The following FAM184A variants were observed in gnomAD, a reference collection of about 807,000 sequenced individuals.
The protein encoded by FAM184A is family with sequence similarity 184 member A.
A neutral mutation model predicts 143.8 loss-of-function variants in FAM184A; 99 were observed. That is an observed-to-expected ratio of 0.69 (90% CI 0.58 to 0.81). FAM184A has a LOEUF of 0.81. Among genes scored for constraint, FAM184A ranks in the 40% least tolerant of loss-of-function variants. The pLI is 0.00. For missense variants in FAM184A, 1,217 were observed against 1,310.5 expected (o/e 0.93, Z 1.10); for synonymous variants, 427 against 446.4 (o/e 0.96, Z 0.55).
chr6:118,972,924 T>C (rs1307470232), intron 14 of FAM184A, among the ~76,000 whole-genome samples: 1 of 152,186 alleles, frequency 6.6e-6, no homozygotes, highest in Non-Finnish European at 1.5e-5. Flanking sequence ...TGAGCTGTTA[T>C]ACAAGGCAGA....
chr6:119,007,200 A>C (rs185883379), intron 6 of FAM184A, among the ~76,000 whole-genome samples: 13 of 152,350 alleles, frequency 8.5e-5, no homozygotes, highest in Admixed American at 7.8e-4. Context: ...CCTACCATAA[A>C]GTTATGAATA....
intron 9 of FAM184A, among the ~76,000 whole-genome samples, chr6:118,995,035 G>A (rs1784504478): frequency 6.6e-6 from 1 of 152,164 alleles, no homozygotes; most frequent in African/African-American, 2.4e-5. Context: ...CAAAACCTGT[G>A]TCATTTAAAA....
In FAM184A at chr6:119,006,493, G is replaced by T. The variant is rs950976469; in HGVS notation, c.1769C>A (p.Thr590Asn). The T allele has an allele frequency of 9.3e-6, 15 of 1,613,938 alleles. No homozygotes were observed. In the African/African-American group the frequency reaches 1.9e-4, roughly 20 times the overall value. Residue 590 changes from threonine (T) to asparagine (N), a missense_variant, in exon 7 of 18, where the codon ACT becomes AAT. Transcript: ENST00000338891. ...CTTGGTCTCCTTTAGGCTGTCTTTA[G>T]TCAAGTCAAGCTCATTCTGAAGCCT... is the stretch of plus-strand genomic sequence containing the variant. Reference protein sequence around the residue: ...QERLQNELDLTKDSLKETKDA... With the variant: ...QERLQNELDLNKDSLKETKDA...
At chr6:119,101,066 TTTC>T (rs1247689678) in intron 1 of FAM184A, among the ~76,000 whole-genome samples, 1 of 90,820 alleles carries the variant, frequency 1.1e-5, no homozygotes, top group Non-Finnish European at 2.2e-5. Context: ...CACAATGCAC[TTTC>T]TTTTTTTTTT....
At chr6:119,060,723 T>C (rs1291008268) in intron 1 of FAM184A, among the ~76,000 whole-genome samples, 1 of 152,154 alleles carries the variant, frequency 6.6e-6, no homozygotes, top group Non-Finnish European at 1.5e-5. Context: ...CCCCTCTTGG[T>C]ACTGAATAGT....
chr6:118,988,853 C>A (rs1035795202), intron 9 of FAM184A, among the ~76,000 whole-genome samples: 3 of 151,654 alleles, frequency 2.0e-5, no homozygotes, highest in African/African-American at 7.3e-5. Flanking sequence ...TTTTCAGTCA[C>A]CTCATATTTT....
At chr6:119,117,061 C>A (rs1369584117) in intron 1 of FAM184A, among the ~76,000 whole-genome samples, 2 of 152,104 alleles carry the variant, frequency 1.3e-5, no homozygotes. Flanking sequence ...GGTGAGTGAC[C>A]AAGTAGAACT....
At chr6:119,147,737 G>T (rs1056627923) in intron 1 of FAM184A, among the ~76,000 whole-genome samples, 3 of 152,184 alleles carry the variant, frequency 2.0e-5, no homozygotes, top group East Asian at 1.9e-4. Context: ...GATTAATAAC[G>T]GACAGCTTCC....
intron 1 of FAM184A, among the ~76,000 whole-genome samples, chr6:119,047,767 T>C (rs922575713): frequency 1.3e-5 from 2 of 152,058 alleles, no homozygotes; most frequent in Non-Finnish European, 2.9e-5. Flanking sequence ...CCCAGGATCA[T>C]ATGGATTCAC....
At chr6:119,022,419 A>G (rs192927374) in intron 3 of FAM184A, among the ~76,000 whole-genome samples, 5 of 152,140 alleles carry the variant, frequency 3.3e-5, no homozygotes, top group Admixed American at 1.3e-4. Flanking sequence ...TTTTCCTCAC[A>G]AAGGAAAACT....
At chr6:119,113,327 T>G (rs937784303) in intron 1 of FAM184A, among the ~76,000 whole-genome samples, 1 of 152,216 alleles carries the variant, frequency 6.6e-6, no homozygotes, top group African/African-American at 2.4e-5. Flanking sequence ...TCCCCTTCAC[T>G]GTTTAAATGA....
intron 9 of FAM184A, among the ~76,000 whole-genome samples, chr6:118,991,957 G>T (rs1230895321): frequency 6.6e-6 from 1 of 151,256 alleles, no homozygotes; most frequent in Non-Finnish European, 1.5e-5. Flanking sequence ...GTAGAGACGG[G>T]GTTTCACCAT....
intron 9 of FAM184A, among the ~76,000 whole-genome samples, chr6:118,987,304 T>C (rs982885038): frequency 1.3e-5 from 2 of 152,242 alleles, no homozygotes; most frequent in African/African-American, 4.8e-5. Flanking sequence ...AAGTATTTAC[T>C]ATCTGGTCCT....
intron 1 of FAM184A, among the ~76,000 whole-genome samples, chr6:119,113,635 A>G (rs9489595): frequency 4.7e-5 from 7 of 149,746 alleles, no homozygotes; most frequent in African/African-American, 9.9e-5. Context: ...GAGAGAGAGA[A>G]AGAGAGAGAG....
At chr6:118,984,006 C>CG (rs1289403075) in intron 9 of FAM184A, among the ~76,000 whole-genome samples, 1 of 150,350 alleles carries the variant, frequency 6.7e-6, no homozygotes, top group Non-Finnish European at 1.5e-5. Flanking sequence ...AAAAATTAGC[C>CG]GGGAGTGGTG....
chr6:118,984,104 C>T (rs1307069976), intron 9 of FAM184A, among the ~76,000 whole-genome samples: 1 of 143,756 alleles, frequency 7.0e-6, no homozygotes, highest in African/African-American at 2.6e-5. Flanking sequence ...GAGCCGAGAT[C>T]GCAGCACTAC....
chr6:119,112,077 G>A (rs1281161008), intron 1 of FAM184A, among the ~76,000 whole-genome samples: 1 of 151,906 alleles, frequency 6.6e-6, no homozygotes, highest in South Asian at 2.1e-4. Context: ...TCCATGAAAT[G>A]TGTTATTATT....
chr6:119,080,879 G>A (rs1243020736), upstream of FAM184A, among the ~76,000 whole-genome samples: 3 of 152,178 alleles, frequency 2.0e-5, no homozygotes, highest in Non-Finnish European at 4.4e-5. Context: ...GGTTGAATTG[G>A]CTCACAGTTC....
intron 5 of FAM184A, among the ~76,000 whole-genome samples, 200 bp from the exon 6 acceptor site, chr6:119,011,631 T>C (rs1785093820): frequency 6.6e-6 from 1 of 152,220 alleles, no homozygotes; most frequent in South Asian, 2.1e-4. Context: ...TATAATGTAG[T>C]TATACTTTTT....
Sources: gnomAD v4.1 joint callset for allele counts (sites outside exome capture counted in the v4.1 genomes callset) on GRCh38, gnomAD v4.1.1 for gene constraint, MANE v1.5 for transcripts, NCBI Gene and HGNC (gene_info 2026-07-23, HGNC 2026-07-21) for gene names.